TRRAP: variants seen among roughly 807,000 people sequenced by gnomAD.
TRRAP encodes transformation/transcription domain associated protein, also known as transformation/transcription domain-associated protein.
In TRRAP, 41 loss-of-function variants were observed where a neutral mutation model predicts 438.8. The ratio of observed to expected loss-of-function variants is 0.09; its 90% CI spans 0.07 to 0.12. The LOEUF is 0.12. TRRAP is among the 10% of genes least tolerant of loss of function. The pLI is 1.00. For synonymous variants in TRRAP, 1,994 were observed against 1,962.9 expected (o/e 1.02, Z -0.42); for missense variants, 3,122 against 5,055.1 (o/e 0.62, Z 11.60).
chr7:98,975,085 T>C (rs2116724648), intron 53 of TRRAP, among the ~76,000 whole-genome samples: 1 of 152,328 alleles, frequency 6.6e-6, no homozygotes, highest in South Asian at 2.1e-4. Flanking sequence ...GAGCCCCTGA[T>C]GGGCTGGTCA....
At chr7:98,992,422 G>A (rs1793466453) in intron 65 of TRRAP, among the ~76,000 whole-genome samples, 195 bp downstream of exon 65, 1 of 152,238 alleles carries the variant, frequency 6.6e-6, no homozygotes. Flanking sequence ...TTGCCAGGAT[G>A]TAATAAGCGT....
chr7:98,983,005 G>A (rs1000336862), intron 59 of TRRAP, among the ~76,000 whole-genome samples: 10 of 152,144 alleles, frequency 6.6e-5, no homozygotes, highest in Admixed American at 2.6e-4. Flanking sequence ...CTGTACCATC[G>A]TTCTCCCAGT....
At chr7:98,966,528 T>C (rs1282260551) in intron 49 of TRRAP, among the ~76,000 whole-genome samples, 3 of 151,914 alleles carry the variant, frequency 2.0e-5, no homozygotes. Context: ...CTACTAAAAA[T>C]ACAAAAATTA....
chr7:98,999,523 A>T (rs1018237160), intron 67 of TRRAP: 2 of 727,604 alleles, frequency 2.7e-6, no homozygotes, highest in Admixed American at 4.2e-5. Context: ...ATTGGGGTGC[A>T]CCAGGGTCTC....
intron 67 of TRRAP, among the ~76,000 whole-genome samples, chr7:98,996,073 G>A (rs1314385382): frequency 7.4e-6 from 1 of 134,842 alleles, no homozygotes; most frequent in Non-Finnish European, 1.5e-5. Context: ...CCACTTACCT[G>A]CGTCCCCTCA....
chr7:98,910,194 G>T lies in TRRAP; in HGVS notation c.1489G>T (p.Ala497Ser). The T allele has an allele frequency of 6.2e-7, 1 of 1,606,038 alleles. No individual in the cohort carries two copies. Among genetic ancestry groups the T allele is most frequent in the Non-Finnish European group, 8.5e-7 (1 of 1,178,482 alleles). The change falls in exon 15 of 73, where the codon GCT becomes TCT. Residue 497 changes from alanine to serine, a missense_variant. Around this residue, in one of 24 missense-constraint regions of TRRAP, gnomAD observed 115 missense variants for 124.6 expected, o/e 0.92. Transcript: ENST00000456197. Reference sequence around the variant, plus strand: ...CACTGCCCCTGCAGCTCCTGGCCCTGCTCCCTCCCCAGCCCCTGTCCCTGC... The same window carrying T: ...CACTGCCCCTGCAGCTCCTGGCCCTTCTCCCTCCCCAGCCCCTGTCCCTGC... ...VPTAPAAPGP[A>S]PSPAPVPAPP...
At chr7:98,988,600 C>A (rs1281689223) in intron 62 of TRRAP, among the ~76,000 whole-genome samples, 165 bp from the exon 63 acceptor site, 1 of 152,074 alleles carries the variant, frequency 6.6e-6, no homozygotes, top group Non-Finnish European at 1.5e-5. Flanking sequence ...TTCCCAGGGG[C>A]TGGAGGTGGG....
chr7:98,944,152 A>G (rs1198159883), intron 31 of TRRAP, among the ~76,000 whole-genome samples: 5 of 152,298 alleles, frequency 3.3e-5, no homozygotes, highest in African/African-American at 1.2e-4. Context: ...GGCTCCTGGG[A>G]TGAGGTGCAG....
chr7:98,935,513 T>C, intron 27 of TRRAP, 66 bp from the exon 28 acceptor site: 1 of 1,426,180 alleles, frequency 7.0e-7, no homozygotes, highest in African/African-American at 1.4e-5. Flanking sequence ...TGTGTTCTGT[T>C]ATTTGCAAGG....
chr7:98,956,624 A>G lies in TRRAP; in HGVS notation c.6231+91A>G. The G allele has an allele frequency of 1.3e-6, 2 of 1,521,820 alleles. No individual in the cohort carries two copies. Among genetic ancestry groups the G allele is most frequent in the African/African-American group, 1.4e-5 (1 of 72,178 alleles). The allele number at this position is 1,521,820 out of a possible 1,614,324, so 94.3% of individuals were successfully genotyped here. A position where few individuals can be genotyped will look rare whatever the true frequency, so the allele number is the denominator to read the frequency against. Reference sequence around the variant, plus strand: ...TATTTAGAATGTGAGCTCGGTGCTCAGCTGCATTCAGGAGAGGAAGCTGGG... The same window carrying G: ...TATTTAGAATGTGAGCTCGGTGCTCGGCTGCATTCAGGAGAGGAAGCTGGG... On this transcript the variant is annotated intron_variant, in intron 43 of 72. Transcript: ENST00000456197. This position sits in a 1 kb window ranked among gnomAD's most constrained non-coding sequence, Gnocchi z 4.5.
rs1200181242 is a variant in TRRAP, at chr7:98,910,218, GCCCCACCTCCACCCCCGC to G, written c.1521_1538del (p.Pro510_Pro515del). ...TGCTCCCTCCCCAGCCCCTGTCCCTGCCCCACCTCCACCCCCGCCCCCACCCCCACCTGCCACCCCTGT... is the reference window on the plus strand; with the variant it reads ...TGCTCCCTCCCCAGCCCCTGTCCCTGCCCCACCCCCACCTGCCACCCCTGT... On this transcript the variant is annotated inframe_deletion, in exon 15 of 73. Coordinates refer to ENST00000456197, the MANE Select transcript of TRRAP (RefSeq NM_001375524.1). 9 of 1,377,870 alleles carry G rather than the reference GCCCCACCTCCACCCCCGC, an allele frequency of 6.5e-6. No homozygotes were observed. Among genetic ancestry groups the G allele is most frequent in the Non-Finnish European group, 8.5e-6 (9 of 1,065,088 alleles). 85.4% of individuals were successfully genotyped at this position (1,377,870 alleles called of 1,614,324 possible). A position where few individuals can be genotyped will look rare whatever the true frequency, so the allele number is the denominator to read the frequency against.
rs142920373 is a variant in TRRAP at position 98,923,683 on chromosome 7, G to A, written c.2824-1429G>A. Among the ~76,000 whole-genome samples, 578 of 152,334 alleles carry A rather than the reference G, an allele frequency of 3.8e-3. 4 individuals are homozygous for A. The highest frequency in any genetic ancestry group is 5.3e-3 in the Non-Finnish European group (360 of 68,038). ...CGGACACTCAAGCTGGGGTTCATCCGGGGAGGAGCTGTTGTCATGCTTGTG... is the reference window on the plus strand; with the variant it reads ...CGGACACTCAAGCTGGGGTTCATCCAGGGAGGAGCTGTTGTCATGCTTGTG... On this transcript the variant is annotated intron_variant, in intron 21 of 72. Transcript: ENST00000456197.
Position 98,893,860 on chromosome 7 carries a change from C to T in TRRAP, c.429C>T (p.Phe143=), listed in dbSNP as rs782471796. 19 of 1,613,630 alleles carry T rather than the reference C, an allele frequency of 1.2e-5. No homozygotes were observed. The highest frequency in any genetic ancestry group is 1.5e-5 in the Non-Finnish European group (18 of 1,179,926). ...TAATTATTGAGCTACACAAACAGTT[C>T]AGGCCACCGATCACACAAGAAGTAA... ...LRIIIELHKQ[F]RPPITQEIHH... The change falls in exon 6 of 73, where the codon TTC becomes TTT. Residue 143 remains phenylalanine (F), a synonymous_variant. Coordinates refer to ENST00000456197, the MANE Select transcript of TRRAP (RefSeq NM_001375524.1).
chr7:98,963,529 G>A (rs1238100045), intron 47 of TRRAP, among the ~76,000 whole-genome samples: 1 of 152,130 alleles, frequency 6.6e-6, no homozygotes, highest in African/African-American at 2.4e-5. Context: ...TAGGAAGTTG[G>A]CCACACCGTC....
intron 26 of TRRAP, among the ~76,000 whole-genome samples, chr7:98,932,909 A>G (rs1790388172): frequency 6.6e-6 from 1 of 152,132 alleles, no homozygotes; most frequent in South Asian, 2.1e-4. Context: ...TTTGCAAAAA[A>G]CAGTGTACTT....
In TRRAP at chr7:98,915,884, G is replaced by A. The variant is rs1186267049; in HGVS notation, c.2361G>A (p.Leu787=). 6.2e-6 allele frequency: 10 copies of A among 1,614,028 alleles called. No individual in the cohort carries two copies. Among genetic ancestry groups the A allele is most frequent in the Non-Finnish European group, 5.9e-6 (7 of 1,180,024 alleles). The change falls in exon 19 of 73, where the codon CTG becomes CTA. Residue 787 remains leucine, a synonymous_variant. Coordinates refer to ENST00000456197, the MANE Select transcript of TRRAP (RefSeq NM_001375524.1). ...TCTTGCCTCTCCTTCCAAACCTCCT[G>A]CAAGGTCAGAGCAGTGACTTTGGTT... ...QEFLPLLPNL[L]QGLNMLQSGL... is the part of the protein sequence containing the mutation.
intron 69 of TRRAP, among the ~76,000 whole-genome samples, chr7:99,008,108 G>A (rs977363603): frequency 4.6e-5 from 7 of 152,216 alleles, no homozygotes; most frequent in Non-Finnish European, 8.8e-5. Context: ...ACAGGCGTGA[G>A]CCACTGTGTC....
At chr7:98,909,002 A>T in intron 14 of TRRAP, 40 bp downstream of exon 14, 3 of 1,452,568 alleles carry the variant, frequency 2.1e-6, no homozygotes, top group Non-Finnish European at 1.9e-6. Flanking sequence ...CCTGCACTCT[A>T]TCCTGTTTGT....
chr7:98,987,904 A>G (rs1180739299), intron 62 of TRRAP, among the ~76,000 whole-genome samples: 4 of 151,960 alleles, frequency 2.6e-5, no homozygotes, highest in Non-Finnish European at 5.9e-5. Flanking sequence ...ACTTTTTTCA[A>G]ATGGCTTTTT....
Sources: gnomAD v4.1 joint callset for allele counts (sites outside exome capture counted in the v4.1 genomes callset) on GRCh38, gnomAD v4.1.1 for gene constraint, gnomAD v4.1.1 regional missense constraint, Gnocchi (gnomAD v3.1) non-coding constraint, MANE v1.5 for transcripts, NCBI Gene and HGNC (gene_info 2026-07-23, HGNC 2026-07-21) for gene names.